Variants in STK32B observed in about 807,000 individuals in gnomAD.
STK32B encodes serine/threonine kinase 32B.
In STK32B, 43 loss-of-function variants were observed where a neutral mutation model predicts 52.6. That is an observed-to-expected ratio of 0.82 (90% confidence interval 0.64 to 1.05). The LOEUF (loss-of-function observed/expected upper bound fraction) is 1.05. Among genes scored for constraint, STK32B ranks in the 50% least tolerant of loss-of-function variants. The pLI, the probability that STK32B is intolerant of heterozygous loss-of-function variation, is 0.00. For synonymous variants in STK32B, 238 were observed against 204.3 expected (o/e 1.17, Z -1.41); for missense variants, 621 against 534.6 (o/e 1.16, Z -1.59).
chr4:5,039,682 A>G, the STK32B span, among the ~76,000 whole-genome samples: 312 of 152,346 alleles, frequency 2.0e-3, no homozygotes, highest in African/African-American at 5.8e-3. Context: ...ATGTAATTCT[A>G]TGTGCTAAAT....
intron 1 of STK32B, among the ~76,000 whole-genome samples, chr4:5,103,015 A>G (rs1166474032): frequency 6.8e-6 from 1 of 146,204 alleles, no homozygotes; most frequent in African/African-American, 2.5e-5. Context: ...GGCTACTTTG[A>G]CCAGCTCATA....
chr4:5,412,826 C>T (rs195111), intron 5 of STK32B, among the ~76,000 whole-genome samples: 87,792 of 151,934 alleles, frequency 0.58, 26,417 homozygotes, highest in Middle Eastern at 0.74. Context: ...GGTCCTTGCC[C>T]CTGTAATCCA....
intron 2 of STK32B, among the ~76,000 whole-genome samples, chr4:5,142,879 T>C (rs963201578): frequency 2.6e-5 from 4 of 152,188 alleles, no homozygotes; most frequent in Non-Finnish European, 5.9e-5. Context: ...ACAATGTGGA[T>C]GGGCCTCATC....
chr4:5,375,576 C>T (rs1388087326), intron 4 of STK32B, among the ~76,000 whole-genome samples: 2 of 152,082 alleles, frequency 1.3e-5, no homozygotes, highest in Non-Finnish European at 1.5e-5. Context: ...ACTTCTTTTT[C>T]ATCACATCTT....
intron 11 of STK32B, among the ~76,000 whole-genome samples, chr4:5,477,568 A>C (rs769731424): frequency 2.0e-5 from 3 of 152,154 alleles, no homozygotes; most frequent in Non-Finnish European, 4.4e-5. Context: ...ACTTAACAAC[A>C]ACCAAGTGTG....
intron 3 of STK32B, among the ~76,000 whole-genome samples, chr4:5,262,407 A>G (rs966523641): frequency 1.3e-5 from 2 of 151,984 alleles, no homozygotes; most frequent in Non-Finnish European, 2.9e-5. Context: ...CAGGCGGATC[A>G]CAAGGTCAGG....
At chr4:5,329,791 T>C (rs1423038364) in intron 3 of STK32B, among the ~76,000 whole-genome samples, 1 of 152,114 alleles carries the variant, frequency 6.6e-6, no homozygotes, top group African/African-American at 2.4e-5. Context: ...TTATGAACAA[T>C]GGGTAAGATA....
intron 4 of STK32B, among the ~76,000 whole-genome samples, chr4:5,372,559 A>G (rs1735315171): frequency 6.6e-6 from 1 of 152,178 alleles, no homozygotes; most frequent in South Asian, 2.1e-4. Flanking sequence ...ATCATACACT[A>G]GACCAAAAAT....
At chr4:5,293,627 A>G (rs1729020976) in intron 3 of STK32B, among the ~76,000 whole-genome samples, 1 of 151,904 alleles carries the variant, frequency 6.6e-6, no homozygotes, top group Admixed American at 6.6e-5. Flanking sequence ...CCACTTTTTG[A>G]TGGGGCTGTT....
chr4:5,202,204 G>A (rs1280451917), intron 3 of STK32B, among the ~76,000 whole-genome samples: 1 of 152,242 alleles, frequency 6.6e-6, no homozygotes, highest in Non-Finnish European at 1.5e-5. Context: ...AGGCATGCAA[G>A]TCTGAAACCC....
In STK32B at chr4:5,264,641, G is replaced by A. The variant is rs1438918831; in HGVS notation, c.261-66579G>A. Among the ~76,000 whole-genome samples the A allele has an allele frequency of 2.7e-5, 4 of 149,490 alleles. No individual in the cohort carries two copies. The East Asian group carries it at 7.9e-4, about 30-fold the overall frequency. On this transcript the variant is annotated intron_variant, in intron 3 of 11. Coordinates refer to ENST00000282908, the MANE Select transcript of STK32B (RefSeq NM_018401.3). ...CTCTACTAAAAATAAAAAAAAAATA[G>A]CCGGGCATGGTGGCGGGCGCCTGTA...
At chr4:5,231,675 C>T (rs1411158623) in intron 3 of STK32B, among the ~76,000 whole-genome samples, 1 of 151,970 alleles carries the variant, frequency 6.6e-6, no homozygotes, top group Non-Finnish European at 1.5e-5. Flanking sequence ...GAGTAGTTCT[C>T]AATGGGATAG....
At chr4:5,493,267 G>C (rs1438667842) in intron 11 of STK32B, among the ~76,000 whole-genome samples, 1 of 152,068 alleles carries the variant, frequency 6.6e-6, no homozygotes, top group Non-Finnish European at 1.5e-5. Flanking sequence ...GCCTGTTATT[G>C]GTCTATTCAG....
intron 2 of STK32B, among the ~76,000 whole-genome samples, chr4:5,141,375 G>A (rs1364465388): frequency 6.6e-6 from 1 of 152,232 alleles, no homozygotes. Context: ...TCCCACGGAA[G>A]GGAGTGTGCT....
At chr4:5,100,761 C>CT (rs371387922) in intron 1 of STK32B, among the ~76,000 whole-genome samples, 23,071 of 112,736 alleles carry the variant, frequency 0.2, 2,852 homozygotes, top group East Asian at 0.55. Context: ...TCCCTCCCTC[C>CT]TCCCTCCCTC....
chr4:5,318,393 T>C (rs986932529), intron 3 of STK32B, among the ~76,000 whole-genome samples: 2 of 151,736 alleles, frequency 1.3e-5, no homozygotes, highest in African/African-American at 4.8e-5. Context: ...AAAAGAACTG[T>C]AGGCAAGGAG....
At chr4:5,422,779 T>C (rs1712752554) in intron 6 of STK32B, among the ~76,000 whole-genome samples, 1 of 152,126 alleles carries the variant, frequency 6.6e-6, no homozygotes, top group Non-Finnish European at 1.5e-5. Context: ...ATGGTGTGGC[T>C]ATTGGAAGGA....
chr4:5,446,578 A>C (rs1577515568), intron 6 of STK32B, 95 bp from the exon 7 acceptor site: 4 of 1,139,252 alleles, frequency 3.5e-6, no homozygotes, highest in East Asian at 5.2e-5. Context: ...AAAAAAAAAA[A>C]AACAAGCTCA....
At chr4:5,292,451 G>A (rs892491138) in intron 3 of STK32B, among the ~76,000 whole-genome samples, 6 of 152,002 alleles carry the variant, frequency 3.9e-5, no homozygotes, top group African/African-American at 1.2e-4. Flanking sequence ...CTTCAGAGAC[G>A]TGTCTATTCA....
Sources: allele counts gnomAD v4.1 joint callset (sites outside exome capture counted in the v4.1 genomes callset), GRCh38; gene constraint gnomAD v4.1.1; transcripts MANE v1.5; gene names NCBI Gene and HGNC (gene_info 2026-07-23, HGNC 2026-07-21).